The following BCOR variants were observed in gnomAD, a reference collection of about 807,000 sequenced individuals.
The protein encoded by BCOR is BCL6 corepressor.
BCOR carries 10 observed loss-of-function variants against 86.7 expected under a neutral mutation model. The observed-to-expected ratio is 0.12, with a 90% CI of 0.07 to 0.20. The LOEUF (loss-of-function observed/expected upper bound fraction) is 0.20. BCOR is among the 10% of genes least tolerant of loss of function. The pLI, the probability that BCOR is intolerant of heterozygous loss-of-function variation, is 1.00. For missense variants in BCOR, 1,259 were observed against 1,452.1 expected (o/e 0.87, Z 2.16); for synonymous variants, 611 against 609.0 (o/e 1.00, Z -0.05).
intron 1 of BCOR, among the ~76,000 whole-genome samples, chrX:40,134,858 A>T (rs1937647228): frequency 9.0e-6 from 1 of 111,581 alleles, no homozygotes; most frequent in Non-Finnish European, 1.9e-5. Context: ...TAGACAGTGG[A>T]TTCCTTTGAT....
In BCOR at chrX:40,074,477, T is replaced by G; in HGVS notation, c.869A>C (p.Lys290Thr). Residue 290 changes from lysine to threonine, a missense_variant, in exon 4 of 15, where the codon AAG becomes ACG. Coordinates refer to ENST00000378444, the MANE Select transcript of BCOR (RefSeq NM_001123385.2). ...AGGATTCCCAGGGCTGACGCCCATC[T>G]TCCACGGGAGGCTTTTGTCTGCGCA... ...VHCADKSLPWKMGVSPGNPVD... is the reference protein window; with the variant it reads ...VHCADKSLPWTMGVSPGNPVD... 8.3e-7 allele frequency: 1 copy of G among 1,205,377 alleles called. No individual in the cohort carries two copies. The highest frequency in any genetic ancestry group is 1.1e-6 in the Non-Finnish European group (1 of 892,013).
chrX:40,099,079 C>A (rs1937017856), upstream of BCOR, among the ~76,000 whole-genome samples: 1 of 113,398 alleles, frequency 8.8e-6, no homozygotes, highest in African/African-American at 3.2e-5. Context: ...ACACCGTTCG[C>A]CCCATAAATT....
At chrX:40,145,356 C>G (rs1938023144) in intron 1 of BCOR, among the ~76,000 whole-genome samples, 1 of 111,900 alleles carries the variant, frequency 8.9e-6, no homozygotes, top group Admixed American at 9.4e-5. Flanking sequence ...TGGCCGCTGG[C>G]AAAGGGGACA....
At chrX:40,154,783 A>C (rs904899363) in intron 1 of BCOR, among the ~76,000 whole-genome samples, 18 of 112,349 alleles carry the variant, frequency 1.6e-4, no homozygotes, top group African/African-American at 5.8e-4. Context: ...CCCTGGCAGC[A>C]GCAGGGACGC....
Position 40,073,346 on chromosome X carries a change from G to A in BCOR, c.2000C>T (p.Ala667Val), listed in dbSNP as rs2147228226. 8.3e-7 allele frequency: 1 copy of A among 1,211,624 alleles called. No individual in the cohort carries two copies. Among genetic ancestry groups the A allele is most frequent in the South Asian group, 1.8e-5 (1 of 56,922 alleles). ...YLPYPAPEGI[A>V]VSPLSLHGKG... ...GCCATGTAAGGAGAGGGGACTTACA[G>A]CAATGCCCTCAGGGGCTGGGTAAGG... The change falls in exon 4 of 15, where the codon GCT (alanine) becomes GTT (valine). Residue 667 changes from alanine to valine, a missense_variant. Ala to Val is a moderately conservative substitution (Grantham distance 64). Around this residue, in one of 7 missense-constraint regions of BCOR, gnomAD observed 534 missense variants for 594.8 expected, o/e 0.90. Transcript: ENST00000378444.
At position 40,128,988 on chromosome X, in the gene BCOR, G is replaced by A. The variant is rs916658521; in HGVS notation, c.-41+48019C>T. ...CCTTATTCAATCCTCATGGAAGTAC[G>A]GTCAAAATGAGGCACTAGTCACAAC... On this transcript the variant is annotated intron_variant, in intron 1 of 14. Coordinates refer to the BCOR transcript ENST00000342274. 2.7e-5 allele frequency among the ~76,000 whole-genome samples: 3 copies of A among 111,825 alleles called. No individual in the cohort carries two copies. The Admixed American group carries it at 2.9e-4, about 11-fold the overall frequency.
intron 1 of BCOR, among the ~76,000 whole-genome samples, chrX:40,169,422 G>T (rs1320638367): frequency 1.8e-5 from 2 of 111,722 alleles, no homozygotes; most frequent in East Asian, 5.6e-4. Context: ...TGTCGAAATC[G>T]GCCAACCATT....
chrX:40,062,042 G>A (rs1934901813), intron 10 of BCOR, 97 bp downstream of exon 10: 1 of 1,064,965 alleles, frequency 9.4e-7, no homozygotes. Flanking sequence ...TGTGGAGGGG[G>A]CTGAGCTCTG....
chrX:40,123,820 T>C (rs1211968567), intron 1 of BCOR, among the ~76,000 whole-genome samples: 2 of 108,677 alleles, frequency 1.8e-5, no homozygotes, highest in Non-Finnish European at 3.8e-5. Context: ...TGTGTGTGTG[T>C]GCACGCGCGC....
At chrX:40,080,713 A>G (rs771934542) in intron 1 of BCOR, among the ~76,000 whole-genome samples, 1 of 110,796 alleles carries the variant, frequency 9.0e-6, no homozygotes, top group Admixed American at 9.5e-5. Flanking sequence ...GGGGCTTTCC[A>G]TATTAATGGC....
intron 1 of BCOR, among the ~76,000 whole-genome samples, chrX:40,109,976 G>A (rs907853241): frequency 8.9e-6 from 1 of 112,389 alleles, no homozygotes; most frequent in African/African-American, 3.2e-5. Flanking sequence ...GGGCGGGGAC[G>A]GCCGGGTCCC....
At chrX:40,128,337 G>A (rs1296710633) in intron 1 of BCOR, among the ~76,000 whole-genome samples, 3 of 111,928 alleles carry the variant, frequency 2.7e-5, no homozygotes, top group African/African-American at 9.7e-5. Context: ...TTTGAGCTCA[G>A]GAGTTTGAGA....
chrX:40,093,670 T>C (rs777151884), intron 1 of BCOR, among the ~76,000 whole-genome samples: 62 of 111,979 alleles, frequency 5.5e-4, no homozygotes, highest in African/African-American at 2.0e-3. Flanking sequence ...TCTATTTATA[T>C]AGAGACAACT....
At chrX:40,148,080 C>A (rs774430118) in intron 1 of BCOR, among the ~76,000 whole-genome samples, 2 of 112,310 alleles carry the variant, frequency 1.8e-5, no homozygotes, top group African/African-American at 6.5e-5. Context: ...TCTGACTTGG[C>A]GGCGCTGGAG....
intron 1 of BCOR, among the ~76,000 whole-genome samples, chrX:40,127,669 G>A (rs776130895): frequency 6.5e-5 from 7 of 107,591 alleles, no homozygotes; most frequent in East Asian, 5.8e-4. Flanking sequence ...CCAGGAGTTC[G>A]ACACCAGCCT....
At chrX:40,099,194 G>T (rs947298196), upstream of BCOR, among the ~76,000 whole-genome samples, 1 of 111,702 alleles carries the variant, frequency 9.0e-6, no homozygotes, top group Non-Finnish European at 1.9e-5. Flanking sequence ...CAGCGCACCC[G>T]GCGCGGCTCT....
At chrX:40,143,177 T>G (rs1439590675) in intron 1 of BCOR, among the ~76,000 whole-genome samples, 1 of 111,741 alleles carries the variant, frequency 8.9e-6, no homozygotes, top group Non-Finnish European at 1.9e-5. Flanking sequence ...ATGGACCAGT[T>G]TAACATGGCT....
At chrX:40,128,054 A>C (rs1204767166) in intron 1 of BCOR, among the ~76,000 whole-genome samples, 1 of 104,737 alleles carries the variant, frequency 9.5e-6, no homozygotes, top group South Asian at 4.3e-4. Context: ...GTGAAACCCC[A>C]TCTCTACTAA....
At chrX:40,145,122 A>G (rs1012084127) in intron 1 of BCOR, among the ~76,000 whole-genome samples, 7 of 110,989 alleles carry the variant, frequency 6.3e-5, no homozygotes, top group African/African-American at 2.3e-4. Flanking sequence ...AGAGGACTGC[A>G]CGGAGCTGCC....
Sources: allele counts gnomAD v4.1 joint callset (sites outside exome capture counted in the v4.1 genomes callset), GRCh38; gene constraint gnomAD v4.1.1; regional missense constraint gnomAD v4.1.1; transcripts MANE v1.5; gene names NCBI Gene and HGNC (gene_info 2026-07-23, HGNC 2026-07-21).